The following OTUD7A variants were observed in gnomAD, a reference collection of about 807,000 sequenced individuals.
The protein encoded by OTUD7A is OTU domain-containing protein 7A.
Under a neutral mutation model 65.7 loss-of-function variants are expected in OTUD7A, and 12 were observed. The observed-to-expected ratio is 0.18, with a 90% CI of 0.12 to 0.30. The LOEUF (loss-of-function observed/expected upper bound fraction) is 0.30. OTUD7A is among the 10% of genes least tolerant of loss of function. The pLI is 1.00. For synonymous variants in OTUD7A, 641 were observed against 586.3 expected, an observed-to-expected ratio of 1.09 and a Z score of -1.35; for missense variants, 1,148 against 1,304.8, an observed-to-expected ratio of 0.88 and a Z score of 1.85.
chr15:31,616,560 A>G (rs535998045), intron 3 of OTUD7A, among the ~76,000 whole-genome samples: 2 of 152,230 alleles, frequency 1.3e-5, no homozygotes, highest in South Asian at 4.1e-4. Flanking sequence ...TTATTCATTT[A>G]TTTGAGACAG....
intron 1 of OTUD7A, among the ~76,000 whole-genome samples, chr15:31,744,969 T>C (rs924221049): frequency 6.6e-6 from 1 of 152,038 alleles, no homozygotes; most frequent in African/African-American, 2.4e-5. Context: ...TGAAAAAACA[T>C]AAAATAATCC....
chr15:31,760,680 C>G (rs1567009045), intron 1 of OTUD7A, among the ~76,000 whole-genome samples: 2 of 151,990 alleles, frequency 1.3e-5, no homozygotes, highest in East Asian at 3.9e-4. Context: ...TTCCAGCTGG[C>G]TTTTTTTTCA....
At chr15:31,701,724 T>C (rs1893218313) in intron 1 of OTUD7A, among the ~76,000 whole-genome samples, 1 of 151,896 alleles carries the variant, frequency 6.6e-6, no homozygotes, top group Non-Finnish European at 1.5e-5. Flanking sequence ...TACCAAACAT[T>C]TAAATATGAA....
Position 31,484,237 on chromosome 15 carries a change from T to C in OTUD7A, c.1859A>G (p.Lys620Arg), listed in dbSNP as rs1270103458. Residue 620 changes from lysine (K) to arginine (R), a missense_variant, in exon 13 of 13, where the codon AAG becomes AGG. By Grantham distance (26) the Lys-to-Arg change is conservative (BLOSUM62 2). This residue lies in a region of OTUD7A where 842 missense variants were observed against 769.5 expected (regional missense o/e 1.09). Transcript: ENST00000307050. This position sits in a 1 kb window ranked among gnomAD's most constrained non-coding sequence, Gnocchi z 4.5. Reference sequence around the variant, plus strand: ...GCTCAGCTTCACATCCGTGCTGTACTTCCAGGCGTCGCCCCGCGGCCCACC... The same window carrying C: ...GCTCAGCTTCACATCCGTGCTGTACCTCCAGGCGTCGCCCCGCGGCCCACC... ...KGGGPRGDAW[K>R]YSTDVKLSLN... 2 of 1,602,608 alleles carry C rather than the reference T, an allele frequency of 1.2e-6. No homozygotes were observed. Among genetic ancestry groups the C allele is most frequent in the East Asian group, 2.2e-5 (1 of 44,506 alleles).
At position 31,598,030 on chromosome 15, in the gene OTUD7A, G is replaced by A. The variant is rs1477714109; in HGVS notation, c.152-27833C>T. 2.0e-5 allele frequency among the ~76,000 whole-genome samples: 3 copies of A among 152,240 alleles called. No individual in the cohort carries two copies. In the East Asian group the frequency reaches 5.8e-4, roughly 30 times the overall value. On this transcript the variant is annotated intron_variant, in intron 3 of 12. Coordinates refer to ENST00000307050, the MANE Select transcript of OTUD7A (RefSeq NM_001382637.1). The stretch of plus-strand genomic sequence containing the variant: ...CTGAGATGGGCTGAGTGGCCCTGGA[G>A]GTTTATATGATGGCCAAGGGAGCCT...
At chr15:31,850,059 G>A (rs1897382488) in intron 1 of OTUD7A, among the ~76,000 whole-genome samples, 1 of 151,904 alleles carries the variant, frequency 6.6e-6, no homozygotes. Flanking sequence ...TCCCATTACT[G>A]CGTATAAACC....
intron 1 of OTUD7A, among the ~76,000 whole-genome samples, chr15:31,814,461 G>A (rs1896499275): frequency 6.6e-6 from 1 of 152,104 alleles, no homozygotes; most frequent in South Asian, 2.1e-4. Context: ...CTAATTCAGG[G>A]ATACTAAGAC....
chr15:31,694,712 C>T (rs1335416474), intron 1 of OTUD7A, among the ~76,000 whole-genome samples: 1 of 152,156 alleles, frequency 6.6e-6, no homozygotes. Context: ...TGAGATCATG[C>T]AGTATTTGTC....
Position 31,647,480 on chromosome 15 carries a change from C to T in OTUD7A, c.151+7616G>A, listed in dbSNP as rs1054389468. Among the ~76,000 whole-genome samples the T allele has an allele frequency of 2.2e-4, 34 of 152,336 alleles. 1 individual carries two copies. The highest frequency in any genetic ancestry group is 1.2e-3 in the South Asian group (6 of 4,822). ...AGGAATTATCAGTGAATCCTTACCT[C>T]GTCATAGAAACTTCTTCCTCCAGAC... On this transcript the variant is annotated intron_variant, in intron 3 of 12. Transcript: ENST00000307050.
In OTUD7A at chr15:31,673,443, T is replaced by C. The variant is rs551245760; in HGVS notation, c.-99-16366A>G. Among the ~76,000 whole-genome samples, 45 of 152,366 alleles carry C rather than the reference T, an allele frequency of 3.0e-4. No individual in the cohort carries two copies. The South Asian group carries it at 9.1e-3, about 31-fold the overall frequency. ...TGCCCACACCCTGAAAAGATCACCT[T>C]ACACGAGAACCTCCATGTCACAGAG... On this transcript the variant is annotated intron_variant, in intron 1 of 12. Transcript: ENST00000307050.
intron 3 of OTUD7A, among the ~76,000 whole-genome samples, chr15:31,595,779 G>A (rs1201681881): frequency 6.6e-6 from 1 of 152,228 alleles, no homozygotes; most frequent in Non-Finnish European, 1.5e-5. Context: ...CCTCCTTCAG[G>A]TGTGCCAGGA....
rs186658561 is a variant in OTUD7A, at chr15:31,767,554, T to C, written c.-100+102953A>G. ...TTACTTGTATTGGCCCCATTATATATTGGGGAATTACTTGTTTTGGATTTA... is the reference window on the plus strand; with the variant it reads ...TTACTTGTATTGGCCCCATTATATACTGGGGAATTACTTGTTTTGGATTTA... On this transcript the variant is annotated intron_variant, in intron 1 of 12. Coordinates refer to ENST00000307050, the MANE Select transcript of OTUD7A (RefSeq NM_001382637.1). The C allele has an allele frequency of 5.8e-3, 4,587 of 792,152 alleles. 30 individuals are homozygous for C. Among genetic ancestry groups the C allele is most frequent in the Non-Finnish European group, 7.2e-3 (3,110 of 432,932 alleles). 49.1% of individuals were successfully genotyped at this position (792,152 alleles called of 1,614,324 possible).
chr15:31,668,951 T>C (rs1892404819), intron 1 of OTUD7A, among the ~76,000 whole-genome samples: 1 of 152,248 alleles, frequency 6.6e-6, no homozygotes. Flanking sequence ...CAAGTCTACC[T>C]GGCTCCAGAC....
chr15:31,675,605 T>C (rs1317523104), intron 1 of OTUD7A, among the ~76,000 whole-genome samples: 1 of 152,214 alleles, frequency 6.6e-6, no homozygotes, highest in Non-Finnish European at 1.5e-5. Context: ...ATGAAAACTT[T>C]AGAAGCATTT....
At chr15:31,830,291 G>A (rs1896898748) in intron 1 of OTUD7A, among the ~76,000 whole-genome samples, 1 of 152,132 alleles carries the variant, frequency 6.6e-6, no homozygotes, top group South Asian at 2.1e-4. Flanking sequence ...TCATATCTGA[G>A]TCAGACACAA....
intron 6 of OTUD7A, among the ~76,000 whole-genome samples, chr15:31,529,249 G>A (rs933805504): frequency 2.6e-5 from 4 of 152,140 alleles, no homozygotes; most frequent in African/African-American, 4.8e-5. Context: ...AAAGAACAAG[G>A]CAAAATATGC....
chr15:31,646,899 A>C (rs1387236727), intron 3 of OTUD7A, among the ~76,000 whole-genome samples: 2 of 152,222 alleles, frequency 1.3e-5, no homozygotes, highest in Non-Finnish European at 2.9e-5. Context: ...GCGTGACACA[A>C]GGAAACTCAC....
intron 1 of OTUD7A, among the ~76,000 whole-genome samples, chr15:31,810,111 G>A (rs1380509513): frequency 1.3e-5 from 2 of 152,186 alleles, no homozygotes; most frequent in Non-Finnish European, 2.9e-5. Flanking sequence ...CAGTTCTTCA[G>A]GCAGCTGGAG....
chr15:31,808,138 A>ACACACACAC (rs56773953), intron 1 of OTUD7A, among the ~76,000 whole-genome samples: 63 of 113,600 alleles, frequency 5.5e-4, no homozygotes, highest in Admixed American at 9.5e-4. Context: ...CACACACACA[A>ACACACACAC]ACAAATCCTC....
Sources: allele counts gnomAD v4.1 joint callset (sites outside exome capture counted in the v4.1 genomes callset), GRCh38; gene constraint gnomAD v4.1.1; regional missense constraint gnomAD v4.1.1; non-coding constraint Gnocchi (gnomAD v3.1); transcripts MANE v1.5; gene names NCBI Gene and HGNC (gene_info 2026-07-23, HGNC 2026-07-21).